CATSPERE: variants seen among roughly 807,000 people sequenced by gnomAD.
The protein encoded by CATSPERE is cation channel sperm-associated auxiliary subunit epsilon.
A neutral mutation model predicts 114.1 loss-of-function variants in CATSPERE; 93 were observed. That is an observed-to-expected ratio of 0.81 (90% CI 0.69 to 0.97). CATSPERE has a LOEUF of 0.97. CATSPERE is among the 50% of genes least tolerant of loss of function. CATSPERE has a pLI of 0.00. For synonymous variants in CATSPERE, 341 were observed against 384.1 expected, an observed-to-expected ratio of 0.89 and a Z score of 1.31; for missense variants, 1,058 against 1,131.6, an observed-to-expected ratio of 0.93 and a Z score of 0.93.
intron 5 of CATSPERE, among the ~76,000 whole-genome samples, chr1:244,482,434 C>G (rs958670753): frequency 3.3e-5 from 5 of 151,758 alleles, no homozygotes; most frequent in Admixed American, 3.3e-4. Context: ...AGACTTGTCT[C>G]TACAAAAAAC....
intron 8 of CATSPERE, among the ~76,000 whole-genome samples, chr1:244,539,065 G>C (rs1241323427): frequency 6.6e-6 from 1 of 152,158 alleles, no homozygotes; most frequent in Non-Finnish European, 1.5e-5. Context: ...CAGAAGGCAG[G>C]TGCAGGTCTG....
chr1:244,452,671 C>T (rs191962811), upstream of CATSPERE, among the ~76,000 whole-genome samples: 313 of 152,212 alleles, frequency 2.1e-3, no homozygotes, highest in African/African-American at 7.3e-3. Flanking sequence ...ATTTTTTAAT[C>T]CCCACAACCA....
chr1:244,457,515 GAA>G (rs1463273531), upstream of CATSPERE: 3 of 152,272 alleles, frequency 2.0e-5, no homozygotes, highest in East Asian at 5.8e-4. Flanking sequence ...AGGAGAGAGA[GAA>G]GAGACAGATT....
At chr1:244,609,518 T>A (rs979842731) in intron 18 of CATSPERE, among the ~76,000 whole-genome samples, 1 of 152,120 alleles carries the variant, frequency 6.6e-6, no homozygotes, top group Admixed American at 6.5e-5. Context: ...ACCCAGCTAA[T>A]TTTTATATTT....
chr1:244,457,359 T>C (rs1366467824), upstream of CATSPERE: 1 of 152,208 alleles, frequency 6.6e-6, no homozygotes, highest in Non-Finnish European at 1.5e-5. Flanking sequence ...ACTGGATATA[T>C]AAAACTTTAT....
chr1:244,575,520 G>A lies in CATSPERE; in HGVS notation c.1950+2748G>A, dbSNP rs571745390. On this transcript the variant is annotated intron_variant, in intron 11 of 21. Coordinates refer to ENST00000366534, the MANE Select transcript of CATSPERE (RefSeq NM_001130957.2). This position sits in a 1 kb window ranked among gnomAD's most constrained non-coding sequence, Gnocchi z 4.5. ...GTACCTGAGCAGCACAGAAGGCTTG[G>A]GGCTCGACAGCTGGTGGCCTGGATG... 6.6e-5 allele frequency among the ~76,000 whole-genome samples: 10 copies of A among 152,296 alleles called. No individual in the cohort carries two copies. Among genetic ancestry groups the A allele is most frequent in the African/African-American group, 2.4e-4 (10 of 41,554 alleles).
At chr1:244,463,646 CAAAAAAA>C (rs35832545) in intron 1 of CATSPERE, among the ~76,000 whole-genome samples, 1 of 116,834 alleles carries the variant, frequency 8.6e-6, no homozygotes, top group East Asian at 2.7e-4. Flanking sequence ...TTTCATCTTA[CAAAAAAA>C]AAAAAAAAAC....
intron 8 of CATSPERE, among the ~76,000 whole-genome samples, chr1:244,550,387 A>G (rs548543966): frequency 1.3e-5 from 2 of 152,200 alleles, no homozygotes; most frequent in Non-Finnish European, 2.9e-5. Flanking sequence ...AAATTTCTGA[A>G]AAGCGTATAG....
At chr1:244,489,126 T>C (rs1459048685) in intron 5 of CATSPERE, among the ~76,000 whole-genome samples, 2 of 152,186 alleles carry the variant, frequency 1.3e-5, no homozygotes, top group Non-Finnish European at 2.9e-5. Flanking sequence ...ATTAGTCCTT[T>C]TTTATTTTAT....
intron 2 of CATSPERE, among the ~76,000 whole-genome samples, chr1:244,467,011 T>G (rs929036051): frequency 1.3e-5 from 2 of 152,220 alleles, no homozygotes; most frequent in Admixed American, 6.5e-5. Flanking sequence ...TCCTGCAATC[T>G]AGGGATAGCC....
chr1:244,527,839 C>T (rs1678899865), intron 8 of CATSPERE, among the ~76,000 whole-genome samples: 1 of 152,212 alleles, frequency 6.6e-6, no homozygotes, highest in Admixed American at 6.5e-5. Flanking sequence ...CTTCCCGCAA[C>T]ACCTAGGCTC....
chr1:244,625,402 T>TA (rs1553391554), intron 20 of CATSPERE, among the ~76,000 whole-genome samples: 1 of 45,962 alleles, frequency 2.2e-5, no homozygotes. Flanking sequence ...ATTATTATTA[T>TA]TATTTATATA....
chr1:244,593,379 A>C lies in CATSPERE; in HGVS notation c.2190-16A>C. 1 of 1,611,196 alleles carries C rather than the reference A, an allele frequency of 6.2e-7. No individual in the cohort carries two copies. Among genetic ancestry groups the C allele is most frequent in the Non-Finnish European group, 8.5e-7 (1 of 1,179,470 alleles). On this transcript the variant is annotated splice_polypyrimidine_tract_variant and intron_variant, in intron 15 of 21. Coordinates refer to ENST00000366534, the MANE Select transcript of CATSPERE (RefSeq NM_001130957.2). ...AAAAGAGGAAAGAGAAATAATGAGG[A>C]ATGTCTTTTTCACAGGTCATATCTG...
intron 8 of CATSPERE, among the ~76,000 whole-genome samples, chr1:244,547,856 A>C (rs1572689543): frequency 6.6e-6 from 1 of 152,364 alleles, no homozygotes; most frequent in East Asian, 1.9e-4. Flanking sequence ...AAAGACATAG[A>C]GTGGCTGATT....
chr1:244,474,500 A>G (rs1284510271), intron 2 of CATSPERE, among the ~76,000 whole-genome samples: 1 of 151,498 alleles, frequency 6.6e-6, no homozygotes, highest in African/African-American at 2.4e-5. Context: ...TATATTCTAT[A>G]ATTGTTCTTT....
At chr1:244,476,329 A>G (rs971544197) in intron 2 of CATSPERE, among the ~76,000 whole-genome samples, 2 of 152,004 alleles carry the variant, frequency 1.3e-5, no homozygotes, top group African/African-American at 4.8e-5. Context: ...TTTAACATAT[A>G]TATCATAAAC....
chr1:244,587,156 G>A (rs1026438690), intron 13 of CATSPERE, among the ~76,000 whole-genome samples: 1 of 152,152 alleles, frequency 6.6e-6, no homozygotes, highest in African/African-American at 2.4e-5. Context: ...TAGATATAAT[G>A]CATTCCAGCT....
chr1:244,474,042 T>C (rs1269713312), intron 2 of CATSPERE, among the ~76,000 whole-genome samples: 1 of 152,090 alleles, frequency 6.6e-6, no homozygotes, highest in African/African-American at 2.4e-5. Context: ...TGCTTTTTTT[T>C]TGTTTTTGAG....
intron 8 of CATSPERE, among the ~76,000 whole-genome samples, chr1:244,550,615 G>A (rs2148492521): frequency 6.6e-6 from 1 of 152,308 alleles, no homozygotes; most frequent in African/African-American, 2.4e-5. Context: ...TTAAGAAATT[G>A]TAATTGGAAC....
Sources: allele counts gnomAD v4.1 joint callset (sites outside exome capture counted in the v4.1 genomes callset), GRCh38; gene constraint gnomAD v4.1.1; non-coding constraint Gnocchi (gnomAD v3.1); transcripts MANE v1.5; gene names NCBI Gene and HGNC (gene_info 2026-07-23, HGNC 2026-07-21).